Variants in SRPK2 observed in about 807,000 individuals in gnomAD.
SRPK2 encodes SRSF protein kinase 2, also known as SFRS protein kinase 2.
Under a neutral mutation model 90.8 loss-of-function variants are expected in SRPK2, and 21 were observed. The ratio of observed to expected loss-of-function variants is 0.23; its 90% CI spans 0.16 to 0.33. SRPK2 has a LOEUF of 0.33. SRPK2 is among the 10% of genes least tolerant of loss of function. SRPK2 has a pLI of 1.00. For missense variants in SRPK2, 620 were observed against 869.0 expected (o/e 0.71, Z 3.60); for synonymous variants, 288 against 311.1 (o/e 0.93, Z 0.78).
intron 3 of SRPK2, among the ~76,000 whole-genome samples, chr7:105,185,264 AAG>A (rs1281291076): frequency 2.0e-5 from 3 of 152,002 alleles, no homozygotes; most frequent in East Asian, 3.8e-4. Context: ...AAAAGAGAAA[AAG>A]AAATAAGATT....
intron 10 of SRPK2, 93 bp from the exon 11 acceptor site, chr7:105,142,583 A>C: frequency 6.7e-7 from 1 of 1,485,534 alleles, no homozygotes; most frequent in African/African-American, 1.4e-5. Flanking sequence ...ATACATTTTG[A>C]ATATGCTTAT....
At chr7:105,369,111 T>A (rs1011492004) in intron 2 of SRPK2, among the ~76,000 whole-genome samples, 8 of 147,228 alleles carry the variant, frequency 5.4e-5, no homozygotes, top group Non-Finnish European at 8.9e-5. Context: ...AATAGAGTTC[T>A]ACACAAGATT....
At chr7:105,149,519 T>G (rs1337365160) in intron 7 of SRPK2, among the ~76,000 whole-genome samples, 1 of 152,176 alleles carries the variant, frequency 6.6e-6, no homozygotes, top group Non-Finnish European at 1.5e-5. Flanking sequence ...CCGGTGCCGG[T>G]GCAGGTCCTT....
At chr7:105,381,408 C>T (rs1020059405) in intron 2 of SRPK2, among the ~76,000 whole-genome samples, 1 of 152,114 alleles carries the variant, frequency 6.6e-6, no homozygotes, top group Non-Finnish European at 1.5e-5. Flanking sequence ...AACCCTGTCT[C>T]AGTGAGCCAA....
At chr7:105,378,034 T>C (rs1439013789) in intron 2 of SRPK2, among the ~76,000 whole-genome samples, 1 of 152,046 alleles carries the variant, frequency 6.6e-6, no homozygotes, top group Non-Finnish European at 1.5e-5. Context: ...AGCTCCCCAG[T>C]CCTTCGTTTG....
chr7:105,315,311 T>C (rs1585671913), intron 2 of SRPK2, among the ~76,000 whole-genome samples: 1 of 152,134 alleles, frequency 6.6e-6, no homozygotes, highest in East Asian at 1.9e-4. Context: ...AAACTGACTA[T>C]AAGAATTTTA....
intron 2 of SRPK2, among the ~76,000 whole-genome samples, chr7:105,209,930 T>G (rs763550474): frequency 3.2e-4 from 48 of 152,224 alleles, no homozygotes; most frequent in Non-Finnish European, 2.9e-5. Context: ...AAAAATATTT[T>G]TCTTTCAATA....
At chr7:105,334,491 G>C (rs1374725080) in intron 2 of SRPK2, among the ~76,000 whole-genome samples, 1 of 152,138 alleles carries the variant, frequency 6.6e-6, no homozygotes, top group Non-Finnish European at 1.5e-5. Context: ...AAAGTGCTGG[G>C]ATTACAGGCA....
At chr7:105,362,412 C>G (rs1389115523) in intron 2 of SRPK2, among the ~76,000 whole-genome samples, 1 of 151,750 alleles carries the variant, frequency 6.6e-6, no homozygotes, top group Non-Finnish European at 1.5e-5. Context: ...TGGAGACCAT[C>G]CTGGCTAACT....
intron 6 of SRPK2, among the ~76,000 whole-genome samples, chr7:105,163,745 A>G (rs1039721419): frequency 2.0e-5 from 3 of 152,184 alleles, no homozygotes; most frequent in Non-Finnish European, 4.4e-5. Flanking sequence ...CGGGAGGCGG[A>G]GGTTGTGCTG....
At chr7:105,161,500 T>C (rs144696279) in intron 6 of SRPK2, among the ~76,000 whole-genome samples, 1 of 152,314 alleles carries the variant, frequency 6.6e-6, no homozygotes, top group Non-Finnish European at 1.5e-5. Flanking sequence ...CATGAGGACA[T>C]GGCACTTTCT....
At chr7:105,311,919 T>C (rs1020888160) in intron 2 of SRPK2, among the ~76,000 whole-genome samples, 3 of 152,208 alleles carry the variant, frequency 2.0e-5, no homozygotes, top group African/African-American at 7.2e-5. Context: ...AATGTTGGTA[T>C]AGTTCTATTC....
At chr7:105,127,114 C>A in intron 13 of SRPK2, 52 bp from the exon 14 acceptor site, 1 of 1,580,866 alleles carries the variant, frequency 6.3e-7, no homozygotes, top group South Asian at 1.1e-5. Flanking sequence ...GCCCCCAAGT[C>A]AACAGCTTTT....
chr7:105,280,189 C>T (rs1807075798), intron 2 of SRPK2, among the ~76,000 whole-genome samples: 1 of 151,966 alleles, frequency 6.6e-6, no homozygotes, highest in Admixed American at 6.6e-5. Context: ...CTGAAGTGGG[C>T]AGATTGCTTC....
intron 3 of SRPK2, among the ~76,000 whole-genome samples, chr7:105,195,915 T>C (rs565057843): frequency 6.6e-6 from 1 of 152,336 alleles, no homozygotes; most frequent in South Asian, 2.1e-4. Context: ...CTTAAGTAGC[T>C]GGCATTCTAG....
intron 2 of SRPK2, among the ~76,000 whole-genome samples, chr7:105,238,515 T>A (rs559253655): frequency 6.6e-6 from 1 of 152,298 alleles, no homozygotes; most frequent in South Asian, 2.1e-4. Flanking sequence ...GGACTCAGCT[T>A]CAGTGGCAAG....
chr7:105,207,523 G>A (rs1415130545), intron 2 of SRPK2, among the ~76,000 whole-genome samples: 1 of 152,126 alleles, frequency 6.6e-6, no homozygotes, highest in Non-Finnish European at 1.5e-5. Context: ...AAGCAGCAAT[G>A]GCAGTGGAAA....
At chr7:105,137,074 G>A (rs1802942124) in intron 11 of SRPK2, among the ~76,000 whole-genome samples, 1 of 152,238 alleles carries the variant, frequency 6.6e-6, no homozygotes, top group Admixed American at 6.5e-5. Flanking sequence ...TCTTTTCTGA[G>A]AAGGTGACAT....
intron 3 of SRPK2, among the ~76,000 whole-genome samples, chr7:105,181,101 A>G (rs1179631936): frequency 6.6e-6 from 1 of 152,218 alleles, no homozygotes; most frequent in Non-Finnish European, 1.5e-5. Flanking sequence ...CATGCGGCCA[A>G]TAAGCATATA....
Sources: allele counts gnomAD v4.1 joint callset (sites outside exome capture counted in the v4.1 genomes callset), GRCh38; gene constraint gnomAD v4.1.1; transcripts MANE v1.5; gene names NCBI Gene and HGNC (gene_info 2026-07-23, HGNC 2026-07-21).